The following TMEM164 variants were observed in gnomAD, a reference collection of about 807,000 sequenced individuals.
TMEM164 encodes the protein transmembrane protein 164.
TMEM164 carries 4 observed loss-of-function variants against 18.8 expected under a neutral mutation model. The observed-to-expected ratio is 0.21, with a 90% CI of 0.10 to 0.49. The LOEUF (loss-of-function observed/expected upper bound fraction) is 0.49, where lower values mean the gene tolerates loss of function less well. Ranked by LOEUF, TMEM164 falls within the 20% of genes least tolerant of loss-of-function variation. The pLI, the probability that TMEM164 is intolerant of heterozygous loss-of-function variation, is 0.98. For missense variants in TMEM164, 108 were observed against 239.9 expected (o/e 0.45, Z 3.63); for synonymous variants, 86 against 101.7 (o/e 0.85, Z 0.93).
In TMEM164 at chrX:110,149,707, A is replaced by T. The variant is rs764923604; in HGVS notation, c.586+4831A>T. Among the ~76,000 whole-genome samples, 104 of 112,070 alleles carry T rather than the reference A, an allele frequency of 9.3e-4. 1 individual carries two copies. Among genetic ancestry groups the T allele is most frequent in the Admixed American group, 7.0e-3 (74 of 10,574 alleles). On this transcript the variant is annotated intron_variant, in intron 5 of 6. Transcript: ENST00000372068. Reference sequence around the variant, plus strand: ...TGCTACATCACTGTCTACAGCTCAGACTTACGAGAGTCACATTCATATAGT... The same window carrying T: ...TGCTACATCACTGTCTACAGCTCAGTCTTACGAGAGTCACATTCATATAGT...
At chrX:110,109,815 C>T (rs1443107436) in intron 4 of TMEM164, among the ~76,000 whole-genome samples, 1 of 111,823 alleles carries the variant, frequency 8.9e-6, no homozygotes, top group Non-Finnish European at 1.9e-5. Flanking sequence ...GGGTGATAAA[C>T]CAGCCCAGAA....
chrX:110,171,408 C>G lies in TMEM164; in HGVS notation c.587-12C>G. ...TATTCCTGCCATCTCACCATCTCCC[C>G]TCTTCCTCCAGGTGCTTACACTCCA... On this transcript the variant is annotated splice_polypyrimidine_tract_variant and intron_variant, in intron 5 of 6. Transcript: ENST00000372068. The G allele has an allele frequency of 8.5e-7, 1 of 1,177,205 alleles. No individual in the cohort carries two copies. The highest frequency in any genetic ancestry group is 1.2e-6 in the Non-Finnish European group (1 of 869,345).
intron 4 of TMEM164, among the ~76,000 whole-genome samples, chrX:110,135,246 A>G (rs769533924): frequency 9.0e-6 from 1 of 110,644 alleles, no homozygotes; most frequent in African/African-American, 3.3e-5. Flanking sequence ...CTAAAAAAAA[A>G]AAGGATCATG....
intron 2 of TMEM164, among the ~76,000 whole-genome samples, chrX:110,049,076 T>C (rs1312602030): frequency 1.8e-5 from 2 of 112,321 alleles, no homozygotes; most frequent in Non-Finnish European, 3.8e-5. Flanking sequence ...TTGATAAATG[T>C]TGTTGTTATT....
chrX:110,146,717 C>T (rs1329666793), intron 5 of TMEM164, among the ~76,000 whole-genome samples: 2 of 111,682 alleles, frequency 1.8e-5, no homozygotes, highest in African/African-American at 3.3e-5. Context: ...GCTCATCTCC[C>T]ATCTCCCTTT....
At chrX:110,090,052 A>G (rs1364237691) in intron 3 of TMEM164, among the ~76,000 whole-genome samples, 1 of 111,524 alleles carries the variant, frequency 9.0e-6, no homozygotes, top group Admixed American at 9.5e-5. Flanking sequence ...TTGCCTTTAG[A>G]TAGGTAGCCT....
intron 3 of TMEM164, among the ~76,000 whole-genome samples, chrX:110,073,549 A>G (rs1306249037): frequency 8.9e-6 from 1 of 111,819 alleles, no homozygotes; most frequent in East Asian, 2.8e-4. Context: ...TATCCAGTCC[A>G]CCATTGATGG....
intron 4 of TMEM164, among the ~76,000 whole-genome samples, chrX:110,134,213 T>C (rs1433235630): frequency 9.0e-6 from 1 of 110,928 alleles, no homozygotes; most frequent in Non-Finnish European, 1.9e-5. Context: ...CTCTAAGCAC[T>C]AAGGAGGAAG....
intron 2 of TMEM164, among the ~76,000 whole-genome samples, chrX:110,018,886 A>C (rs1191578189): frequency 8.9e-6 from 1 of 112,203 alleles, no homozygotes; most frequent in African/African-American, 3.2e-5. Context: ...GAATATATGA[A>C]TGTGCTGTGA....
chrX:110,161,962 C>A (rs2067099557), intron 5 of TMEM164, among the ~76,000 whole-genome samples: 1 of 112,437 alleles, frequency 8.9e-6, no homozygotes, highest in Admixed American at 9.4e-5. Flanking sequence ...TAAAAATTCT[C>A]AGATTCCAGA....
At chrX:110,098,950 A>ATTTTTTTTTTT (rs772519388) in intron 3 of TMEM164, among the ~76,000 whole-genome samples, 5 of 85,093 alleles carry the variant, frequency 5.9e-5, no homozygotes, top group Non-Finnish European at 1.2e-4. Flanking sequence ...CACCCGGCTA[A>ATTTTTTTTTTT]TTTTTTTTTT....
chrX:110,033,763 C>A (rs762067723), intron 2 of TMEM164, among the ~76,000 whole-genome samples: 9 of 111,290 alleles, frequency 8.1e-5, no homozygotes, highest in Non-Finnish European at 1.5e-4. Flanking sequence ...CTAATCTCTC[C>A]TTTTTTGCTT....
intron 3 of TMEM164, among the ~76,000 whole-genome samples, chrX:110,097,594 G>T (rs769924883): frequency 8.9e-6 from 1 of 112,094 alleles, no homozygotes; most frequent in Non-Finnish European, 1.9e-5. Context: ...GTATAAAAAC[G>T]TGGGCAACAA....
intron 3 of TMEM164, 59 bp downstream of exon 3, chrX:110,067,455 A>G: frequency 9.4e-7 from 1 of 1,066,069 alleles, no homozygotes; most frequent in South Asian, 1.9e-5. Context: ...CTGTTTGCTA[A>G]CAAGACTGAT....
chrX:110,035,103 T>G (rs1221959399), intron 2 of TMEM164, among the ~76,000 whole-genome samples: 9 of 101,769 alleles, frequency 8.8e-5, no homozygotes, highest in Non-Finnish European at 1.2e-4. Flanking sequence ...ATAGCATTAG[T>G]AGATATACCT....
chrX:110,070,109 A>T (rs957902522), intron 3 of TMEM164, among the ~76,000 whole-genome samples: 1 of 111,378 alleles, frequency 9.0e-6, no homozygotes, highest in African/African-American at 3.3e-5. Flanking sequence ...TGAGGTCAGG[A>T]GTTCGAGACT....
intron 5 of TMEM164, among the ~76,000 whole-genome samples, chrX:110,148,501 CT>C (rs2066890144): frequency 9.1e-6 from 1 of 109,519 alleles, no homozygotes; most frequent in African/African-American, 3.3e-5. Flanking sequence ...CCTGGATATT[CT>C]TTTTCTTTCT....
chrX:110,106,118 T>G lies in TMEM164; in HGVS notation c.441-2962T>G, dbSNP rs764608647. On this transcript the variant is annotated intron_variant, in intron 3 of 6. Transcript: ENST00000372068. ...GCAAGGCTTCTTTATGTATTAAAGATAATTCACCCTCTAGCATATATATAG... is the reference window on the plus strand; with the variant it reads ...GCAAGGCTTCTTTATGTATTAAAGAGAATTCACCCTCTAGCATATATATAG... Among the ~76,000 whole-genome samples the G allele has an allele frequency of 4.4e-5, 5 of 112,414 alleles. No individual in the cohort carries two copies. The East Asian group carries it at 1.4e-3, about 31-fold the overall frequency.
chrX:110,100,386 A>G (rs182614657), intron 3 of TMEM164, among the ~76,000 whole-genome samples: 1 of 111,364 alleles, frequency 9.0e-6, no homozygotes. Flanking sequence ...TAGTTTGATG[A>G]TAATTTTTAT....
Sources: allele counts gnomAD v4.1 joint callset (sites outside exome capture counted in the v4.1 genomes callset), GRCh38; gene constraint gnomAD v4.1.1; transcripts MANE v1.5; gene names NCBI Gene and HGNC (gene_info 2026-07-23, HGNC 2026-07-21).